The following NGLY1 variants were observed in gnomAD, a reference collection of about 807,000 sequenced individuals.
NGLY1 encodes N-glycanase 1.
A neutral mutation model predicts 84.6 loss-of-function variants in NGLY1; 68 were observed. The observed-to-expected ratio is 0.80, with a 90% CI of 0.66 to 0.98. The LOEUF (loss-of-function observed/expected upper bound fraction) is 0.98, where lower values mean the gene tolerates loss of function less well. Ranked by LOEUF, NGLY1 falls within the 50% of genes least tolerant of loss-of-function variation. NGLY1 has a pLI of 0.00. For missense variants in NGLY1, 779 were observed against 770.2 expected, an observed-to-expected ratio of 1.01 and a Z score of -0.14; for synonymous variants, 280 against 275.2, an observed-to-expected ratio of 1.02 and a Z score of -0.17.
chr3:25,727,551 ACT>A (rs1369591090), intron 10 of NGLY1, among the ~76,000 whole-genome samples: 1 of 152,074 alleles, frequency 6.6e-6, no homozygotes, highest in Non-Finnish European at 1.5e-5. Context: ...CTCCCACCTC[ACT>A]GTTTCCATAG....
At position 25,751,178 on chromosome 3, in the gene NGLY1, T is replaced by C; in HGVS notation, c.578A>G (p.Lys193Arg). 1 of 1,613,862 alleles carries C rather than the reference T, an allele frequency of 6.2e-7. No homozygotes were observed. Among genetic ancestry groups the C allele is most frequent in the Non-Finnish European group, 8.5e-7 (1 of 1,179,886 alleles). ...TTGGACCGGAATACAAGCCAACGCT[T>C]TCTCCTGAAGAGCAGGATTTTCATA... is the stretch of plus-strand genomic sequence containing the variant. ...LVYENPALQE[K>R]ALACIPVQEL... Residue 193 changes from lysine (K) to arginine (R), a missense_variant, in exon 4 of 12, where the codon AAA (lysine) becomes AGA (arginine). Transcript: ENST00000280700.
chr3:25,752,615 C>G (rs1575636721), intron 3 of NGLY1, among the ~76,000 whole-genome samples: 1 of 151,056 alleles, frequency 6.6e-6, no homozygotes, highest in South Asian at 2.1e-4. Flanking sequence ...CTAGGCCAAC[C>G]TGGGTAATAC....
rs1705688823 is a variant in NGLY1, at chr3:25,733,985, GAAAC to G, written c.1150-7_1150-4del. On this transcript the variant is annotated splice_polypyrimidine_tract_variant and splice_region_variant and intron_variant, in intron 7 of 11. Coordinates refer to ENST00000280700, the MANE Select transcript of NGLY1 (RefSeq NM_018297.4). ...TATCGCCAAGTGACATCAACTACCT[GAAAC>G]AAATAACAGAATACAAATACTTAAC... 1.2e-6 allele frequency: 2 copies of G among 1,611,538 alleles called. No homozygotes were observed. Among genetic ancestry groups the G allele is most frequent in the Admixed American group, 3.3e-5 (2 of 59,914 alleles).
intron 1 of NGLY1, among the ~76,000 whole-genome samples, chr3:25,779,816 T>C (rs1471695926): frequency 6.6e-6 from 1 of 152,266 alleles, no homozygotes; most frequent in Admixed American, 6.5e-5. Flanking sequence ...TTTTTAAACT[T>C]TTCCCTAATT....
intron 1 of NGLY1, chr3:25,789,802 A>C: frequency 6.5e-7 from 1 of 1,528,568 alleles, no homozygotes; most frequent in Non-Finnish European, 8.9e-7. Flanking sequence ...GACAAAAGGG[A>C]ATATTTGGGC....
At chr3:25,759,311 T>C (rs1383293266) in intron 3 of NGLY1, among the ~76,000 whole-genome samples, 2 of 144,990 alleles carry the variant, frequency 1.4e-5, no homozygotes, top group African/African-American at 2.6e-5. Flanking sequence ...AGGATTAGTA[T>C]AGAAACAGAA....
intron 2 of NGLY1, among the ~76,000 whole-genome samples, chr3:25,772,995 C>A (rs1575660430): frequency 6.6e-6 from 1 of 152,326 alleles, no homozygotes; most frequent in African/African-American, 2.4e-5. Flanking sequence ...ACTGAGAAAT[C>A]TGCTGTTAAT....
At chr3:25,736,488 TAC>T in intron 6 of NGLY1, 1 of 998,286 alleles carries the variant, frequency 1.0e-6, no homozygotes, top group East Asian at 2.6e-5. Context: ...CTTTTGAAAC[TAC>T]AGTCTCTCTC....
chr3:25,759,920 AC>A (rs372140351), intron 3 of NGLY1, among the ~76,000 whole-genome samples: 95,843 of 134,750 alleles, frequency 0.71, 36,106 homozygotes, highest in East Asian at 0.94. Context: ...TTAAAAAAAC[AC>A]ACACACACAC....
intron 3 of NGLY1, among the ~76,000 whole-genome samples, chr3:25,758,818 T>C (rs1707168312): frequency 6.6e-6 from 1 of 152,144 alleles, no homozygotes; most frequent in African/African-American, 2.4e-5. Context: ...CAATGAGTAC[T>C]GGGAAGAAGA....
At chr3:25,772,955 C>T (rs530928632) in intron 2 of NGLY1, among the ~76,000 whole-genome samples, 2 of 152,264 alleles carry the variant, frequency 1.3e-5, no homozygotes, top group Non-Finnish European at 2.9e-5. Flanking sequence ...AAAGATAGGA[C>T]CCCAATCCCT....
At chr3:25,755,743 A>C in intron 3 of NGLY1, 1 of 955,630 alleles carries the variant, frequency 1.0e-6, no homozygotes, top group Non-Finnish European at 1.6e-6. Context: ...AATATACTGA[A>C]CTAGAATATT....
At chr3:25,733,845 C>CTTT in intron 8 of NGLY1, 27 bp downstream of exon 8, 1 of 1,525,044 alleles carries the variant, frequency 6.6e-7, no homozygotes, top group Non-Finnish European at 9.0e-7. Context: ...GTCAACTGTT[C>CTTT]TTTCAAAAAA....
At chr3:25,780,356 TC>T (rs1708355659) in intron 1 of NGLY1, among the ~76,000 whole-genome samples, 1 of 152,184 alleles carries the variant, frequency 6.6e-6, no homozygotes, top group Admixed American at 6.5e-5. Context: ...TATAAAATAA[TC>T]CTACATTTAT....
intron 10 of NGLY1, among the ~76,000 whole-genome samples, chr3:25,724,504 A>G (rs982428582): frequency 7.9e-5 from 12 of 152,168 alleles, no homozygotes; most frequent in Non-Finnish European, 1.2e-4. Context: ...TAGAATTTGG[A>G]TAAGAATTTT....
At chr3:25,769,645 C>T (rs1482740297) in intron 2 of NGLY1, among the ~76,000 whole-genome samples, 1 of 151,834 alleles carries the variant, frequency 6.6e-6, no homozygotes, top group East Asian at 1.9e-4. Context: ...GAAGTTTCCT[C>T]AAAAAAACTA....
chr3:25,720,405 G>C (rs1704925271), intron 10 of NGLY1, among the ~76,000 whole-genome samples: 1 of 152,074 alleles, frequency 6.6e-6, no homozygotes, highest in Non-Finnish European at 1.5e-5. Flanking sequence ...GGTATTATTT[G>C]AATGCAGATG....
Position 25,720,129 on chromosome 3 carries a change from C to T in NGLY1, c.1674G>A (p.Gly558=). 6.2e-7 allele frequency: 1 copy of T among 1,613,758 alleles called. No individual in the cohort carries two copies. Among genetic ancestry groups the T allele is most frequent in the East Asian group, 2.2e-5 (1 of 44,840 alleles). The part of the protein sequence containing the change: ...FAYISWKFEC[G]SVGLKVDSIS... ...TGCTATCTACTTTTAGGCCAACTGA[C>T]CCACACTCAAACTTCCAGGAAATAT... is the stretch of plus-strand genomic sequence containing the variant. Residue 558 remains glycine, a synonymous_variant, in exon 11 of 12, where the codon GGG becomes GGA. Transcript: ENST00000280700.
chr3:25,748,624 G>A (rs1283546972), intron 4 of NGLY1, among the ~76,000 whole-genome samples: 1 of 152,020 alleles, frequency 6.6e-6, no homozygotes, highest in Admixed American at 6.6e-5. Context: ...TAAATTACTT[G>A]CTCAGTGATG....
Sources: gnomAD v4.1 joint callset for allele counts (sites outside exome capture counted in the v4.1 genomes callset) on GRCh38, gnomAD v4.1.1 for gene constraint, MANE v1.5 for transcripts, NCBI Gene and HGNC (gene_info 2026-07-23, HGNC 2026-07-21) for gene names.